The following ERLIN1 variants were observed in gnomAD, a reference collection of about 807,000 sequenced individuals.
The protein encoded by ERLIN1 is erlin-1.
ERLIN1 carries 24 observed loss-of-function variants against 46.9 expected under a neutral mutation model. The ratio of observed to expected loss-of-function variants is 0.51; its 90% CI spans 0.37 to 0.72. ERLIN1 has a LOEUF of 0.72. Among genes scored for constraint, ERLIN1 ranks in the 30% least tolerant of loss-of-function variants. The pLI, the probability that ERLIN1 is intolerant of heterozygous loss-of-function variation, is 0.00. For synonymous variants in ERLIN1, 158 were observed against 143.2 expected (o/e 1.10, Z -0.74); for missense variants, 293 against 417.9 (o/e 0.70, Z 2.61).
At position 100,169,639 on chromosome 10, in the gene ERLIN1, C is replaced by T. The variant is rs1406626015; in HGVS notation, c.505-2233G>A. Among the ~76,000 whole-genome samples, 3 of 150,564 alleles carry T rather than the reference C, an allele frequency of 2.0e-5. No individual in the cohort carries two copies. In the East Asian group the frequency reaches 5.8e-4, roughly 29 times the overall value. On this transcript the variant is annotated intron_variant, in intron 6 of 10. Transcript: ENST00000421367. ...CAATGATTAAAAAAAAAAAAGACTA[C>T]ATATTGAACAGCATTAAAATTCATT...
chr10:100,158,676 GA>G (rs1326358523), intron 8 of ERLIN1, among the ~76,000 whole-genome samples: 1 of 152,146 alleles, frequency 6.6e-6, no homozygotes, highest in Admixed American at 6.5e-5. Context: ...AAGACAACAT[GA>G]AACTAAAATA....
In ERLIN1 at chr10:100,185,875, A is replaced by G. The variant is rs542493623; in HGVS notation, c.-249T>C. 1.1e-3 allele frequency: 605 copies of G among 541,516 alleles called. 6 individuals carry two copies. The highest frequency in any genetic ancestry group is 0.011 in the African/African-American group (560 of 52,176). The allele number at this position is 541,516 out of a possible 1,614,324, so 33.5% of individuals were successfully genotyped here. A position where few individuals can be genotyped will look rare whatever the true frequency, so the allele number is the denominator to read the frequency against. ...GAGCTTCCTGAAACTCCCTCTCCCA[A>G]GGGTCGCTCCCGGGTGGAAGGCACT... On this transcript the variant is annotated 5_prime_UTR_variant, in exon 1 of 11. Coordinates refer to ENST00000421367, the MANE Select transcript of ERLIN1 (RefSeq NM_006459.4).
At position 100,167,414 on chromosome 10, in the gene ERLIN1, A is replaced by G. The variant is rs1421580195; in HGVS notation, c.505-8T>C. 2 of 1,609,148 alleles carry G rather than the reference A, an allele frequency of 1.2e-6. No individual in the cohort carries two copies. The highest frequency in any genetic ancestry group is 2.2e-5 in the South Asian group (2 of 90,370). On this transcript the variant is annotated splice_polypyrimidine_tract_variant and splice_region_variant and intron_variant, in intron 6 of 10. Transcript: ENST00000421367. ...TTTTGTAACACGCACAGCCTAAAAAATAAAAGTGAAAAAGCCAAAGTATAT... is the reference window on the plus strand; with the variant it reads ...TTTTGTAACACGCACAGCCTAAAAAGTAAAAGTGAAAAAGCCAAAGTATAT...
At chr10:100,160,492 T>C (rs1175641563) in intron 8 of ERLIN1, among the ~76,000 whole-genome samples, 1 of 152,024 alleles carries the variant, frequency 6.6e-6, no homozygotes, top group African/African-American at 2.4e-5. Context: ...TTTATGAAAA[T>C]AAAGGTAAAA....
chr10:100,167,915 G>A (rs1843736366), intron 6 of ERLIN1, among the ~76,000 whole-genome samples: 2 of 152,212 alleles, frequency 1.3e-5, no homozygotes, highest in Non-Finnish European at 2.9e-5. Flanking sequence ...CTTGGTATTT[G>A]CTGTAAGTAA....
chr10:100,165,535 C>T (rs1315886135), intron 7 of ERLIN1, among the ~76,000 whole-genome samples: 1 of 150,764 alleles, frequency 6.6e-6, no homozygotes, highest in Admixed American at 6.6e-5. Flanking sequence ...TACAGGCGCC[C>T]ACCACCATGC....
chr10:100,154,543 C>CA, intron 10 of ERLIN1, among the ~76,000 whole-genome samples: 1 of 152,198 alleles, frequency 6.6e-6, no homozygotes, highest in Non-Finnish European at 1.5e-5. Context: ...AAGTATCTAC[C>CA]AAAAAAACTA....
chr10:100,175,708 T>G (rs1347533938), intron 5 of ERLIN1, among the ~76,000 whole-genome samples: 2 of 152,158 alleles, frequency 1.3e-5, no homozygotes, highest in Non-Finnish European at 2.9e-5. Context: ...CAAAGCTAAT[T>G]TTCACTAAGT....
In ERLIN1 at chr10:100,152,101, T is replaced by G; in HGVS notation, c.*30A>C. ...CCCACTTAACCCCTTGGGCCACATC[T>G]TGATATGGAGAACATTTCCACCTCT... On this transcript the variant is annotated 3_prime_UTR_variant, in exon 11 of 11. Transcript: ENST00000421367. 1 of 1,411,718 alleles carries G rather than the reference T, an allele frequency of 7.1e-7. No homozygotes were observed. The highest frequency in any genetic ancestry group is 1.0e-6 in the Non-Finnish European group (1 of 995,682). 87.4% of individuals were successfully genotyped at this position (1,411,718 alleles called of 1,614,324 possible). A position where few individuals can be genotyped will look rare whatever the true frequency, so the allele number is the denominator to read the frequency against.
At chr10:100,161,972 G>A (rs962909643) in intron 8 of ERLIN1, among the ~76,000 whole-genome samples, 34 of 152,020 alleles carry the variant, frequency 2.2e-4, no homozygotes, top group Non-Finnish European at 2.9e-5. Context: ...AAAACTTTTA[G>A]AATAAAAGTC....
intron 6 of ERLIN1, among the ~76,000 whole-genome samples, chr10:100,172,136 A>C (rs1013145871): frequency 8.5e-5 from 13 of 152,234 alleles, no homozygotes; most frequent in African/African-American, 2.9e-4. Flanking sequence ...TACAGTAGTA[A>C]AAAATTTGAA....
intron 6 of ERLIN1, among the ~76,000 whole-genome samples, chr10:100,173,990 C>T (rs1290100050): frequency 6.6e-6 from 1 of 152,174 alleles, no homozygotes; most frequent in Non-Finnish European, 1.5e-5. Context: ...TTGTAAGAGC[C>T]TCAGCTTATC....
intron 8 of ERLIN1, among the ~76,000 whole-genome samples, chr10:100,157,184 C>T (rs1400362584): frequency 6.6e-6 from 1 of 152,180 alleles, no homozygotes; most frequent in Non-Finnish European, 1.5e-5. Flanking sequence ...CTTAGTTTTA[C>T]TATACTCAGG....
chr10:100,156,053 C>T (rs1843064489), intron 9 of ERLIN1, 92 bp downstream of exon 9: 2 of 779,506 alleles, frequency 2.6e-6, no homozygotes, highest in Admixed American at 2.1e-5. Context: ...TGTCTATGGC[C>T]TTCTCACCCA....
Position 100,174,221 on chromosome 10 carries a change from C to A in ERLIN1, c.491G>T (p.Gly164Val). Residue 164 changes from glycine to valine, a missense_variant, in exon 6 of 11, where the codon GGT (glycine) becomes GTT (valine). Physicochemically the swap from Gly to Val is moderately radical, Grantham distance 109 (BLOSUM62 -3). Transcript: ENST00000421367. ...LQKDLNLMAP[G>V]LTIQAVRVTK... ...AAAAGAACTTACCTGTATAGTGAGA[C>A]CTGGGGCCATGAGGTTTAAGTCTTT... is the stretch of plus-strand genomic sequence containing the variant. The A allele has an allele frequency of 6.4e-7, 1 of 1,562,834 alleles. No individual in the cohort carries two copies. Among genetic ancestry groups the A allele is most frequent in the Non-Finnish European group, 8.7e-7 (1 of 1,151,400 alleles).
Position 100,175,976 on chromosome 10 carries a change from G to T in ERLIN1, c.399C>A (p.His133Gln). ...HHELNQFCSA[H>Q]TLQEVYIELF... ...ATTCAATGTAAACTTCCTGAAGTGTGTGGGCACTGCAGAACTGGTTCAGCT... is the reference window on the plus strand; with the variant it reads ...ATTCAATGTAAACTTCCTGAAGTGTTTGGGCACTGCAGAACTGGTTCAGCT... Residue 133 changes from histidine to glutamine, a missense_variant, in exon 5 of 11, where the codon CAC (histidine) becomes CAA (glutamine). By Grantham distance (24) the His-to-Gln change is conservative (BLOSUM62 0). Transcript: ENST00000421367. The T allele has an allele frequency of 6.2e-7, 1 of 1,613,380 alleles. No individual in the cohort carries two copies. The highest frequency in any genetic ancestry group is 8.5e-7 in the Non-Finnish European group (1 of 1,179,466).
intron 2 of ERLIN1, among the ~76,000 whole-genome samples, chr10:100,179,756 C>T (rs1301824308): frequency 6.6e-6 from 1 of 152,170 alleles, no homozygotes; most frequent in Non-Finnish European, 1.5e-5. Flanking sequence ...TGTGCCTGGC[C>T]TACAGCGAAT....
At position 100,185,773 on chromosome 10, in the gene ERLIN1, C is replaced by A; in HGVS notation, c.-147G>T. ...AGTCCAGTACCCCTGTCCCCTCATT[C>A]TTCCCTTCTGGCTGAGCCCGCTGAC... On this transcript the variant is annotated 5_prime_UTR_variant, in exon 1 of 11. Coordinates refer to ENST00000421367, the MANE Select transcript of ERLIN1 (RefSeq NM_006459.4). 1.5e-6 allele frequency: 1 copy of A among 649,706 alleles called. No individual in the cohort carries two copies. The highest frequency in any genetic ancestry group is 2.8e-6 in the Non-Finnish European group (1 of 363,080). The allele number at this position is 649,706 out of a possible 1,614,324, so 40.2% of individuals were successfully genotyped here. A position where few individuals can be genotyped will look rare whatever the true frequency, so the allele number is the denominator to read the frequency against.
intron 7 of ERLIN1, among the ~76,000 whole-genome samples, chr10:100,166,108 T>A (rs1308650658): frequency 6.6e-6 from 1 of 152,106 alleles, no homozygotes; most frequent in Non-Finnish European, 1.5e-5. Context: ...AAAAGAAGAG[T>A]TCTTTGTCTA....
Sources: gnomAD v4.1 joint callset for allele counts (sites outside exome capture counted in the v4.1 genomes callset) on GRCh38, gnomAD v4.1.1 for gene constraint, MANE v1.5 for transcripts, NCBI Gene and HGNC (gene_info 2026-07-23, HGNC 2026-07-21) for gene names.